CHN1: variants seen among roughly 807,000 people sequenced by gnomAD.
CHN1 encodes the protein N-chimaerin.
CHN1 carries 37 observed loss-of-function variants against 59.5 expected under a neutral mutation model. The ratio of observed to expected loss-of-function variants is 0.62; its 90% CI spans 0.48 to 0.82. The LOEUF (loss-of-function observed/expected upper bound fraction) is 0.82. Among genes scored for constraint, CHN1 ranks in the 40% least tolerant of loss-of-function variants. The pLI is 0.00. For missense variants in CHN1, 469 were observed against 571.0 expected (o/e 0.82, Z 1.82); for synonymous variants, 206 against 200.4 (o/e 1.03, Z -0.24).
At position 174,799,016 on chromosome 2, in the gene CHN1, G is replaced by A. The variant is rs1264095470; in HGVS notation, c.*1100C>T. ...TTCTCCAGCCACCAGGTTGGCCTCT[G>A]GGGCTCATCTCTCAGGCAGCATTGT... On this transcript the variant is annotated 3_prime_UTR_variant, in exon 13 of 13. Transcript: ENST00000409900. Among the ~76,000 whole-genome samples, 3 of 152,196 alleles carry A rather than the reference G, an allele frequency of 2.0e-5. No individual in the cohort carries two copies. Among genetic ancestry groups the A allele is most frequent in the African/African-American group, 4.8e-5 (2 of 41,450 alleles).
At chr2:174,930,432 G>C (rs554236539) in intron 3 of CHN1, among the ~76,000 whole-genome samples, 1 of 152,164 alleles carries the variant, frequency 6.6e-6, no homozygotes, top group Non-Finnish European at 1.5e-5. Flanking sequence ...ACGGCTCAGG[G>C]TGTTACCGGT....
intron 1 of CHN1, among the ~76,000 whole-genome samples, chr2:174,977,933 T>C (rs1226004744): frequency 1.3e-5 from 2 of 152,192 alleles, no homozygotes; most frequent in African/African-American, 4.8e-5. Flanking sequence ...AAAGATATAA[T>C]GACTTTCATT....
intron 11 of CHN1, chr2:174,802,039 G>A: frequency 2.6e-6 from 1 of 390,136 alleles, no homozygotes; most frequent in Non-Finnish European, 4.9e-6. Context: ...TGGGGATGGA[G>A]GGAACATCCA....
chr2:174,933,691 G>C (rs2105391011), intron 3 of CHN1, among the ~76,000 whole-genome samples: 1 of 152,310 alleles, frequency 6.6e-6, no homozygotes, highest in South Asian at 2.1e-4. Flanking sequence ...TAAGATAGGA[G>C]AAATAATAGG....
At position 174,896,214 on chromosome 2, in the gene CHN1, C is replaced by T. The variant is rs547499078; in HGVS notation, c.261-18086G>A. Among the ~76,000 whole-genome samples the T allele has an allele frequency of 3.3e-5, 5 of 152,196 alleles. No homozygotes were observed. In the South Asian group the frequency reaches 8.3e-4, roughly 25 times the overall value. On this transcript the variant is annotated intron_variant, in intron 5 of 12. Coordinates refer to ENST00000409900, the MANE Select transcript of CHN1 (RefSeq NM_001822.7). ...CCTGGTTTGTATTCCTGAGGTAGAA[C>T]TGAATACTGCTACATAACGCATTAA...
At chr2:174,921,208 A>C (rs535289709) in intron 3 of CHN1, among the ~76,000 whole-genome samples, 1 of 152,340 alleles carries the variant, frequency 6.6e-6, no homozygotes, top group African/African-American at 2.4e-5. Flanking sequence ...CACCTAATCT[A>C]TAGCATACCC....
At chr2:174,855,108 T>G (rs1326904345) in intron 6 of CHN1, among the ~76,000 whole-genome samples, 1 of 152,168 alleles carries the variant, frequency 6.6e-6, no homozygotes, top group Non-Finnish European at 1.5e-5. Flanking sequence ...GATTGAGACT[T>G]AAGCCAAAGA....
chr2:174,929,039 T>C (rs1479311038), intron 3 of CHN1, among the ~76,000 whole-genome samples: 4 of 152,210 alleles, frequency 2.6e-5, no homozygotes, highest in Non-Finnish European at 4.4e-5. Context: ...CAGATTGTTT[T>C]ACTTCTATTA....
chr2:174,835,683 C>T (rs1686052686), intron 7 of CHN1, among the ~76,000 whole-genome samples: 1 of 151,176 alleles, frequency 6.6e-6, no homozygotes, highest in South Asian at 2.1e-4. Flanking sequence ...TAATATAATC[C>T]AGTGTATTTT....
chr2:174,955,215 AT>A (rs1690166668), intron 1 of CHN1, among the ~76,000 whole-genome samples: 1 of 42,800 alleles, frequency 2.3e-5, no homozygotes, highest in Non-Finnish European at 4.2e-5. Flanking sequence ...ATATATATAT[AT>A]ATCTATATAG....
At chr2:174,946,981 G>T (rs1029873843) in intron 2 of CHN1, among the ~76,000 whole-genome samples, 1 of 148,068 alleles carries the variant, frequency 6.8e-6, no homozygotes, top group Admixed American at 6.8e-5. Flanking sequence ...TTTAGTTCAC[G>T]TTTCTACTTT....
intron 6 of CHN1, among the ~76,000 whole-genome samples, chr2:174,875,374 C>A (rs951120311): frequency 1.3e-5 from 2 of 152,106 alleles, no homozygotes; most frequent in Non-Finnish European, 1.5e-5. Context: ...TAAAAGCAGA[C>A]CTCACTTCTC....
intron 1 of CHN1, among the ~76,000 whole-genome samples, chr2:174,996,715 T>TA (rs1320650570): frequency 6.6e-6 from 1 of 152,090 alleles, no homozygotes; most frequent in Non-Finnish European, 1.5e-5. Flanking sequence ...CCATGGGAGA[T>TA]ACACCCCAGT....
At chr2:174,831,974 T>C (rs1281214909) in intron 7 of CHN1, among the ~76,000 whole-genome samples, 2 of 152,138 alleles carry the variant, frequency 1.3e-5, no homozygotes, top group African/African-American at 4.8e-5. Flanking sequence ...TCTCTATACC[T>C]ACATTATAGA....
chr2:174,843,532 T>C (rs1045803344), intron 7 of CHN1, among the ~76,000 whole-genome samples: 24 of 152,246 alleles, frequency 1.6e-4, no homozygotes, highest in African/African-American at 5.5e-4. Context: ...CCACTGTGCC[T>C]GGCCAAATGT....
intron 11 of CHN1, among the ~76,000 whole-genome samples, chr2:174,806,033 A>G (rs376451818): frequency 1.4e-4 from 21 of 152,280 alleles, no homozygotes; most frequent in Admixed American, 5.9e-4. Context: ...TGCTGTTTCC[A>G]TCGTGACCAG....
At chr2:174,966,435 A>T (rs1301711356) in intron 1 of CHN1, among the ~76,000 whole-genome samples, 1 of 152,202 alleles carries the variant, frequency 6.6e-6, no homozygotes, top group Non-Finnish European at 1.5e-5. Context: ...TGCAGTGCTC[A>T]ATTCCTGACC....
At chr2:174,815,571 T>C (rs181498456) in intron 8 of CHN1, among the ~76,000 whole-genome samples, 1 of 151,204 alleles carries the variant, frequency 6.6e-6, no homozygotes, top group Admixed American at 6.6e-5. Flanking sequence ...CTAATATCTA[T>C]TTCTTTTCGG....
At chr2:174,842,288 G>C (rs1194144666) in intron 7 of CHN1, among the ~76,000 whole-genome samples, 1 of 152,018 alleles carries the variant, frequency 6.6e-6, no homozygotes, top group Non-Finnish European at 1.5e-5. Flanking sequence ...AGAGGTGATA[G>C]ACACTGTTTC....
Sources: gnomAD v4.1 joint callset for allele counts (sites outside exome capture counted in the v4.1 genomes callset) on GRCh38, gnomAD v4.1.1 for gene constraint, MANE v1.5 for transcripts, NCBI Gene and HGNC (gene_info 2026-07-23, HGNC 2026-07-21) for gene names.